Variants in ZNF385D observed in about 807,000 individuals in gnomAD.
ZNF385D encodes zinc finger protein 659.
A neutral mutation model predicts 35.8 loss-of-function variants in ZNF385D; 15 were observed. The ratio of observed to expected loss-of-function variants is 0.42; its 90% CI spans 0.28 to 0.64. The LOEUF is 0.64. ZNF385D is among the 30% of genes least tolerant of loss of function. The pLI is 0.23. For synonymous variants in ZNF385D, 212 were observed against 186.8 expected, an observed-to-expected ratio of 1.13 and a Z score of -1.10; for missense variants, 474 against 494.6, an observed-to-expected ratio of 0.96 and a Z score of 0.39.
intron 3 of ZNF385D, among the ~76,000 whole-genome samples, chr3:22,105,497 G>A (rs1332871642): frequency 6.6e-6 from 1 of 152,076 alleles, no homozygotes; most frequent in Non-Finnish European, 1.5e-5. Flanking sequence ...AATTACGGAG[G>A]CTGAGAAGTC....
rs117708044 is a variant in ZNF385D at position 22,350,800 on chromosome 3, T to C, written c.106+21650A>G. On this transcript the variant is annotated intron_variant, in intron 2 of 5. Transcript: ENST00000494108. ...ACATTCTTCTGTGGCACTAAAACCA[T>C]AGCTAGAATTCATCACATTTTAAAG... is the stretch of plus-strand genomic sequence containing the variant. Among the ~76,000 whole-genome samples, 225 of 152,192 alleles carry C rather than the reference T, an allele frequency of 1.5e-3. 2 individuals carry two copies. The East Asian group carries it at 0.031, about 21-fold the overall frequency.
intron 3 of ZNF385D, among the ~76,000 whole-genome samples, chr3:22,067,010 C>A (rs1306136033): frequency 1.3e-5 from 2 of 152,200 alleles, no homozygotes; most frequent in African/African-American, 4.8e-5. Context: ...CACGCTCAGG[C>A]ACCTAATGTG....
intron 3 of ZNF385D, among the ~76,000 whole-genome samples, chr3:22,061,612 A>T (rs566602527): frequency 2.6e-5 from 4 of 152,112 alleles, no homozygotes; most frequent in Non-Finnish European, 5.9e-5. Flanking sequence ...GTCCAGCCCC[A>T]TTTCTTGTCA....
intron 3 of ZNF385D, among the ~76,000 whole-genome samples, chr3:21,839,832 T>C (rs1442292910): frequency 6.6e-6 from 1 of 152,050 alleles, no homozygotes; most frequent in African/African-American, 2.4e-5. Context: ...CATGTATTAC[T>C]GGCCAGAACT....
At chr3:21,588,094 T>C (rs764978214) in intron 2 of ZNF385D, among the ~76,000 whole-genome samples, 1 of 152,164 alleles carries the variant, frequency 6.6e-6, no homozygotes, top group Non-Finnish European at 1.5e-5. Flanking sequence ...TCAATGAGTG[T>C]GCAGTCTAGT....
At chr3:22,329,630 T>A (rs904357644) in intron 2 of ZNF385D, among the ~76,000 whole-genome samples, 1 of 152,164 alleles carries the variant, frequency 6.6e-6, no homozygotes, top group African/African-American at 2.4e-5. Context: ...TCTCCACCAA[T>A]CCCTCTGATA....
intron 3 of ZNF385D, among the ~76,000 whole-genome samples, chr3:21,898,223 C>G (rs1175613425): frequency 1.3e-5 from 2 of 152,108 alleles, no homozygotes; most frequent in Non-Finnish European, 2.9e-5. Flanking sequence ...TGTTCGATAT[C>G]ACAAAACATT....
At chr3:21,941,350 T>C (rs921805844) in intron 3 of ZNF385D, among the ~76,000 whole-genome samples, 2 of 152,188 alleles carry the variant, frequency 1.3e-5, no homozygotes, top group Non-Finnish European at 2.9e-5. Flanking sequence ...GTAGTATATG[T>C]ATGCACTAAG....
At chr3:22,153,346 C>T (rs966638375) in intron 3 of ZNF385D, among the ~76,000 whole-genome samples, 1 of 152,090 alleles carries the variant, frequency 6.6e-6, no homozygotes, top group Non-Finnish European at 1.5e-5. Flanking sequence ...GCCAGATCCT[C>T]CCTGATGCTG....
At chr3:21,685,687 A>T (rs540917109) in intron 1 of ZNF385D, among the ~76,000 whole-genome samples, 7 of 152,226 alleles carry the variant, frequency 4.6e-5, no homozygotes, top group Non-Finnish European at 8.8e-5. Context: ...ACAAAGTACA[A>T]ACCCATTAGA....
chr3:21,794,463 T>C (rs1489929170), intron 3 of ZNF385D, among the ~76,000 whole-genome samples: 4 of 152,058 alleles, frequency 2.6e-5, no homozygotes, highest in African/African-American at 9.7e-5. Context: ...CAAAACACCA[T>C]AGACTGGGTA....
intron 1 of ZNF385D, among the ~76,000 whole-genome samples, chr3:21,703,493 G>A (rs896115965): frequency 6.6e-6 from 1 of 151,990 alleles, no homozygotes; most frequent in African/African-American, 2.4e-5. Flanking sequence ...CAATCCCTTG[G>A]TTGCCTCAAA....
chr3:21,981,192 T>C (rs1407099123), intron 3 of ZNF385D, among the ~76,000 whole-genome samples: 1 of 152,160 alleles, frequency 6.6e-6, no homozygotes, highest in Non-Finnish European at 1.5e-5. Context: ...CAACAGTGTA[T>C]AAATGTTCCC....
intron 3 of ZNF385D, among the ~76,000 whole-genome samples, chr3:21,862,589 ATAT>A (rs1406469158): frequency 1.3e-5 from 2 of 152,190 alleles, no homozygotes; most frequent in Admixed American, 6.5e-5. Flanking sequence ...TATTGCCATT[ATAT>A]TATGTGTATA....
intron 5 of ZNF385D, among the ~76,000 whole-genome samples, chr3:21,426,217 A>G (rs928173521): frequency 1.1e-4 from 16 of 152,154 alleles, no homozygotes; most frequent in Non-Finnish European, 1.8e-4. Context: ...TCCAAGTGAG[A>G]GTAATAGTAT....
intron 3 of ZNF385D, among the ~76,000 whole-genome samples, chr3:21,995,863 C>T (rs939066267): frequency 2.6e-5 from 4 of 152,028 alleles, no homozygotes; most frequent in African/African-American, 9.7e-5. Context: ...AGTGGGGATA[C>T]ACTTTGGTTC....
chr3:22,030,729 C>A (rs936060661), intron 3 of ZNF385D, among the ~76,000 whole-genome samples: 2 of 152,128 alleles, frequency 1.3e-5, no homozygotes, highest in Non-Finnish European at 2.9e-5. Flanking sequence ...GTCTTTTTCA[C>A]ATTTCAAAAC....
chr3:22,185,275 A>C (rs1264779232), intron 2 of ZNF385D, among the ~76,000 whole-genome samples: 1 of 152,210 alleles, frequency 6.6e-6, no homozygotes, highest in African/African-American at 2.4e-5. Context: ...AAATGGCATA[A>C]TAGGCAAATG....
At chr3:21,530,935 CTG>C (rs1283523574) in intron 3 of ZNF385D, among the ~76,000 whole-genome samples, 2 of 152,222 alleles carry the variant, frequency 1.3e-5, no homozygotes, top group East Asian at 1.9e-4. Flanking sequence ...TGTTTAAACA[CTG>C]TGTTAAATCC....
Sources: allele counts gnomAD v4.1 joint callset (sites outside exome capture counted in the v4.1 genomes callset), GRCh38; gene constraint gnomAD v4.1.1; transcripts MANE v1.5; gene names NCBI Gene and HGNC (gene_info 2026-07-23, HGNC 2026-07-21).